RBM20: variants seen among roughly 807,000 people sequenced by gnomAD.
RBM20 encodes the protein RNA binding motif protein 20.
In RBM20, 51 loss-of-function variants were observed where a neutral mutation model predicts 110.1. That is an observed-to-expected ratio of 0.46 (90% CI 0.37 to 0.59). The LOEUF (loss-of-function observed/expected upper bound fraction) is 0.59, where lower values mean the gene tolerates loss of function less well. RBM20 is among the 20% of genes least tolerant of loss of function. RBM20 has a pLI of 0.00. For missense variants in RBM20, 1,512 were observed against 1,574.9 expected, an observed-to-expected ratio of 0.96 and a Z score of 0.68; for synonymous variants, 589 against 618.2, an observed-to-expected ratio of 0.95 and a Z score of 0.70.
chr10:110,786,675 C>T (rs918707269), intron 5 of RBM20, among the ~76,000 whole-genome samples: 1 of 152,238 alleles, frequency 6.6e-6, no homozygotes, highest in Non-Finnish European at 1.5e-5. Flanking sequence ...TTCAGTGAGG[C>T]CTGTCCTCTG....
At chr10:110,709,496 G>A (rs1051491778) in intron 1 of RBM20, among the ~76,000 whole-genome samples, 1 of 152,016 alleles carries the variant, frequency 6.6e-6, no homozygotes, top group Admixed American at 6.6e-5. Context: ...CTGTCTGTAG[G>A]CAGAAATGTT....
chr10:110,817,316 A>G (rs887345412), intron 9 of RBM20, among the ~76,000 whole-genome samples: 2 of 152,202 alleles, frequency 1.3e-5, no homozygotes, highest in African/African-American at 2.4e-5. Context: ...TGTCTAGTAT[A>G]AACCAAAACA....
At chr10:110,647,402 T>C (rs1190076252) in intron 1 of RBM20, among the ~76,000 whole-genome samples, 1 of 152,170 alleles carries the variant, frequency 6.6e-6, no homozygotes, top group East Asian at 1.9e-4. Context: ...CATCCATACC[T>C]TTTCTGCTCT....
At chr10:110,831,007 G>T in intron 12 of RBM20, 54 bp from the exon 13 acceptor site, 1 of 1,498,386 alleles carries the variant, frequency 6.7e-7, no homozygotes, top group Non-Finnish European at 9.0e-7. Flanking sequence ...GGACACAGGG[G>T]CCTGCCTCCC....
intron 7 of RBM20, among the ~76,000 whole-genome samples, chr10:110,800,119 AGACGCC>A (rs1844603718): frequency 6.6e-6 from 1 of 152,228 alleles, no homozygotes; most frequent in Non-Finnish European, 1.5e-5. Flanking sequence ...AAGTGCAAAG[AGACGCC>A]TGAGACTACC....
intron 1 of RBM20, among the ~76,000 whole-genome samples, chr10:110,667,221 C>A (rs116018812): frequency 1.3e-5 from 2 of 152,232 alleles, no homozygotes; most frequent in East Asian, 3.8e-4. Flanking sequence ...AGTGCATTCA[C>A]CAAGATCCTA....
chr10:110,766,588 T>A (rs1477421772), intron 1 of RBM20, among the ~76,000 whole-genome samples: 67 of 143,300 alleles, frequency 4.7e-4, no homozygotes, highest in African/African-American at 1.1e-3. Context: ...CTGCCCTTAA[T>A]CCATTTAACC....
At chr10:110,789,664 C>T (rs952155080) in intron 5 of RBM20, among the ~76,000 whole-genome samples, 4 of 151,950 alleles carry the variant, frequency 2.6e-5, no homozygotes, top group Non-Finnish European at 5.9e-5. Context: ...CCCAGGCTCG[C>T]GTGTTTATAT....
At chr10:110,703,739 T>C (rs1294962950) in intron 1 of RBM20, among the ~76,000 whole-genome samples, 2 of 152,198 alleles carry the variant, frequency 1.3e-5, no homozygotes, top group Non-Finnish European at 2.9e-5. Context: ...CACATCCACC[T>C]CCCGCCCTTT....
chr10:110,729,814 C>T (rs370284627), intron 1 of RBM20, among the ~76,000 whole-genome samples: 1 of 152,142 alleles, frequency 6.6e-6, no homozygotes, highest in East Asian at 1.9e-4. Context: ...GTCATTTCTT[C>T]CCCCTTTTAT....
chr10:110,798,010 A>C (rs1844574277), intron 6 of RBM20, among the ~76,000 whole-genome samples: 1 of 152,206 alleles, frequency 6.6e-6, no homozygotes, highest in Non-Finnish European at 1.5e-5. Context: ...TTATCCTCTA[A>C]GCCTCTCCTA....
rs182728296 is a variant in RBM20, at chr10:110,753,674, C to T, written c.192-27127C>T. Among the ~76,000 whole-genome samples, 422 of 152,298 alleles carry T rather than the reference C, an allele frequency of 2.8e-3. 4 individuals carry two copies. Among genetic ancestry groups the T allele is most frequent in the African/African-American group, 9.6e-3 (400 of 41,558 alleles). Reference sequence around the variant, plus strand: ...TTACCACAAACCTGGTGACTCAAAACGACACAAATTCATTCTCCTTTGATT... The same window carrying T: ...TTACCACAAACCTGGTGACTCAAAATGACACAAATTCATTCTCCTTTGATT... On this transcript the variant is annotated intron_variant, in intron 1 of 13. Transcript: ENST00000369519.
At chr10:110,717,450 AGTTCCTGG>A (rs1417581605) in intron 1 of RBM20, among the ~76,000 whole-genome samples, 5 of 152,046 alleles carry the variant, frequency 3.3e-5, no homozygotes, top group Non-Finnish European at 7.4e-5. Flanking sequence ...GGTTTACTGG[AGTTCCTGG>A]GTGACAGGCC....
chr10:110,668,900 A>G (rs9651465), intron 1 of RBM20, among the ~76,000 whole-genome samples: 20 of 151,488 alleles, frequency 1.3e-4, no homozygotes, highest in African/African-American at 4.4e-4. Context: ...AAAAAAAAAA[A>G]CCAAAAAACC....
Position 110,820,064 on chromosome 10 carries a change from T to C in RBM20, c.2551-8T>C. On this transcript the variant is annotated splice_region_variant and splice_polypyrimidine_tract_variant and intron_variant, in intron 9 of 13. Coordinates refer to ENST00000369519, the MANE Select transcript of RBM20 (RefSeq NM_001134363.3). ...TGATTTGGTTTGCTCTGTTCTTCCT[T>C]TGATAAGGCTGGAAAAGAGGAACAG... 1.9e-6 allele frequency: 3 copies of C among 1,540,266 alleles called. No homozygotes were observed. Among genetic ancestry groups the C allele is most frequent in the Non-Finnish European group, 2.6e-6 (3 of 1,139,308 alleles).
At chr10:110,796,318 A>G (rs1405875494) in intron 5 of RBM20, among the ~76,000 whole-genome samples, 2 of 152,264 alleles carry the variant, frequency 1.3e-5, no homozygotes, top group Non-Finnish European at 2.9e-5. Flanking sequence ...CATACGGAAC[A>G]GTAGAGACCA....
intron 1 of RBM20, among the ~76,000 whole-genome samples, chr10:110,718,431 G>A (rs1326277213): frequency 2.0e-5 from 3 of 151,994 alleles, no homozygotes; most frequent in Non-Finnish European, 4.4e-5. Context: ...CAGCTGTTTG[G>A]GGTATAAACT....
chr10:110,826,630 G>A (rs1008821574), intron 12 of RBM20, among the ~76,000 whole-genome samples: 4 of 150,984 alleles, frequency 2.6e-5, no homozygotes, highest in Non-Finnish European at 5.9e-5. Flanking sequence ...TTACCCAGGC[G>A]GGAGTACAGT....
chr10:110,695,436 TTGTC>T (rs1296318103), intron 1 of RBM20, among the ~76,000 whole-genome samples: 1 of 152,134 alleles, frequency 6.6e-6, no homozygotes, highest in Admixed American at 6.5e-5. Flanking sequence ...AGCAGTGTGT[TTGTC>T]TGTCTGCTGG....
Sources: allele counts gnomAD v4.1 joint callset (sites outside exome capture counted in the v4.1 genomes callset), GRCh38; gene constraint gnomAD v4.1.1; transcripts MANE v1.5; gene names NCBI Gene and HGNC (gene_info 2026-07-23, HGNC 2026-07-21).